The following DENND5B variants were observed in gnomAD, a reference collection of about 807,000 sequenced individuals.
The protein encoded by DENND5B is DENN domain containing 5B.
In DENND5B, 34 loss-of-function variants were observed where a neutral mutation model predicts 140.6. The ratio of observed to expected loss-of-function variants is 0.24; its 90% CI spans 0.18 to 0.32. The LOEUF (loss-of-function observed/expected upper bound fraction) is 0.32, where lower values mean the gene tolerates loss of function less well. Among genes scored for constraint, DENND5B ranks in the 10% least tolerant of loss-of-function variants. The pLI, the probability that DENND5B is intolerant of heterozygous loss-of-function variation, is 1.00. For missense variants in DENND5B, 1,142 were observed against 1,560.2 expected, an observed-to-expected ratio of 0.73 and a Z score of 4.52; for synonymous variants, 551 against 562.1, an observed-to-expected ratio of 0.98 and a Z score of 0.28.
At chr12:31,398,458 C>T in intron 16 of DENND5B, 96 bp from the exon 17 acceptor site, 7 of 1,166,184 alleles carry the variant, frequency 6.0e-6, no homozygotes, top group Non-Finnish European at 7.1e-6. Flanking sequence ...GTGTGCACCA[C>T]CACACCTGGC....
At chr12:31,458,970 T>G (rs1944897462) in intron 4 of DENND5B, among the ~76,000 whole-genome samples, 1 of 152,108 alleles carries the variant, frequency 6.6e-6, no homozygotes, top group Non-Finnish European at 1.5e-5. Flanking sequence ...CCCAGCATTT[T>G]GGGAGGCCGG....
chr12:31,460,894 T>C (rs893842136), intron 3 of DENND5B, among the ~76,000 whole-genome samples: 4 of 151,806 alleles, frequency 2.6e-5, no homozygotes, highest in African/African-American at 4.8e-5. Context: ...CCAGGCTAAT[T>C]TTTGTATTTT....
chr12:31,534,431 C>T (rs1948410310), intron 1 of DENND5B, among the ~76,000 whole-genome samples: 1 of 152,052 alleles, frequency 6.6e-6, no homozygotes, highest in Non-Finnish European at 1.5e-5. Context: ...CTGCCTGCCT[C>T]GGCCTCCCAA....
chr12:31,522,978 G>A lies in DENND5B; in HGVS notation c.128-27059C>T, dbSNP rs191132430. Among the ~76,000 whole-genome samples the A allele has an allele frequency of 8.5e-5, 13 of 152,130 alleles. No homozygotes were observed. In the East Asian group the frequency reaches 2.3e-3, roughly 27 times the overall value. ...GAAACTCCCAAGTCTTGGGTTATAG[G>A]GGACCAATATGGGAGATTCCCTGAG... is the stretch of plus-strand genomic sequence containing the variant. On this transcript the variant is annotated intron_variant, in intron 1 of 20. Coordinates refer to ENST00000389082, the MANE Select transcript of DENND5B (RefSeq NM_144973.4).
chr12:31,499,608 G>A (rs1157440244), intron 1 of DENND5B: 2 of 1,491,986 alleles, frequency 1.3e-6, no homozygotes, highest in Non-Finnish European at 1.8e-6. Flanking sequence ...ATTTTTACCT[G>A]AAGTCGTATT....
chr12:31,566,572 G>T lies in DENND5B; in HGVS notation c.127+24134C>A, dbSNP rs183386114. Reference sequence around the variant, plus strand: ...TCACTTGAGGCCAGGAGTTCAAGACGAGCAAGGGCCACATAGCAGGACCAG... The same window carrying T: ...TCACTTGAGGCCAGGAGTTCAAGACTAGCAAGGGCCACATAGCAGGACCAG... On this transcript the variant is annotated intron_variant, in intron 1 of 20. Transcript: ENST00000389082. Among the ~76,000 whole-genome samples the T allele has an allele frequency of 2.0e-5, 3 of 151,918 alleles. No individual in the cohort carries two copies. The East Asian group carries it at 5.8e-4, about 29-fold the overall frequency.
intron 1 of DENND5B, among the ~76,000 whole-genome samples, chr12:31,568,960 G>T (rs772379157): frequency 2.6e-5 from 4 of 151,566 alleles, no homozygotes; most frequent in Non-Finnish European, 5.9e-5. Flanking sequence ...ATGTTGCTCA[G>T]ACTGGTCTTG....
chr12:31,556,175 G>A (rs572325264), intron 1 of DENND5B, among the ~76,000 whole-genome samples: 1 of 152,246 alleles, frequency 6.6e-6, no homozygotes, highest in East Asian at 1.9e-4. Context: ...GACTGGAGCT[G>A]TTCCTATTTG....
chr12:31,419,110 T>C (rs1385252930), intron 11 of DENND5B, among the ~76,000 whole-genome samples: 1 of 152,222 alleles, frequency 6.6e-6, no homozygotes, highest in African/African-American at 2.4e-5. Flanking sequence ...ACCTAAAATC[T>C]AAGAAGGTTT....
chr12:31,515,090 T>A (rs1399850315), intron 1 of DENND5B, among the ~76,000 whole-genome samples: 1 of 152,086 alleles, frequency 6.6e-6, no homozygotes, highest in Non-Finnish European at 1.5e-5. Flanking sequence ...GCCACTGTAC[T>A]GCAGCCTGGG....
At chr12:31,537,832 G>T (rs760009416) in intron 1 of DENND5B, among the ~76,000 whole-genome samples, 11 of 152,128 alleles carry the variant, frequency 7.2e-5, no homozygotes, top group Non-Finnish European at 1.6e-4. Flanking sequence ...ACTAGGAGTA[G>T]CTATACGTAT....
intron 20 of DENND5B, among the ~76,000 whole-genome samples, chr12:31,388,169 C>T (rs1364971002): frequency 6.8e-6 from 1 of 146,744 alleles, no homozygotes; most frequent in Non-Finnish European, 1.5e-5. Context: ...TGTGGCAAGG[C>T]ATGCCACAGT....
chr12:31,462,311 A>AT (rs940908842), intron 3 of DENND5B, among the ~76,000 whole-genome samples: 5 of 120,004 alleles, frequency 4.2e-5, no homozygotes, highest in Non-Finnish European at 8.1e-5. Context: ...AATCAGGCAG[A>AT]TGTTTGAACT....
chr12:31,417,502 G>A (rs949939330), intron 11 of DENND5B, among the ~76,000 whole-genome samples: 1 of 151,686 alleles, frequency 6.6e-6, no homozygotes, highest in African/African-American at 2.4e-5. Context: ...ATGTCCATGA[G>A]TATTCTCTTA....
intron 5 of DENND5B, among the ~76,000 whole-genome samples, chr12:31,449,879 T>C (rs1043026523): frequency 4.6e-5 from 7 of 151,922 alleles, no homozygotes; most frequent in Admixed American, 2.0e-4. Context: ...TATAGGTGCC[T>C]GCCACCACGC....
intron 1 of DENND5B, among the ~76,000 whole-genome samples, chr12:31,511,910 C>T (rs1056357548): frequency 2.7e-5 from 4 of 146,270 alleles, no homozygotes; most frequent in East Asian, 2.0e-4. Context: ...AAAAACATCC[C>T]CTCCACTGCC....
Position 31,496,645 on chromosome 12 carries a change from C to T in DENND5B, c.128-726G>A, listed in dbSNP as rs374392326. Among the ~76,000 whole-genome samples, 16 of 152,216 alleles carry T rather than the reference C, an allele frequency of 1.1e-4. No homozygotes were observed. The South Asian group carries it at 3.3e-3, about 32-fold the overall frequency. On this transcript the variant is annotated intron_variant, in intron 1 of 20. Transcript: ENST00000389082. ...TTGGGAGGCTGAGGTAGGAGGATTG[C>T]TTGAGCCCAGGAATTTGAAACCAGC... is the stretch of plus-strand genomic sequence containing the variant.
At chr12:31,529,909 G>A (rs1807695356) in intron 1 of DENND5B, among the ~76,000 whole-genome samples, 1 of 151,994 alleles carries the variant, frequency 6.6e-6, no homozygotes, top group African/African-American at 2.4e-5. Flanking sequence ...TAGCACAACT[G>A]CACTTTTTTA....
intron 3 of DENND5B, among the ~76,000 whole-genome samples, chr12:31,476,002 T>C (rs1302487030): frequency 6.6e-6 from 1 of 152,070 alleles, no homozygotes; most frequent in African/African-American, 2.4e-5. Context: ...GGTGCGCGCC[T>C]GTAGTCCCAG....
Sources: allele counts gnomAD v4.1 joint callset (sites outside exome capture counted in the v4.1 genomes callset), GRCh38; gene constraint gnomAD v4.1.1; transcripts MANE v1.5; gene names NCBI Gene and HGNC (gene_info 2026-07-23, HGNC 2026-07-21).